KSR1: variants seen among roughly 807,000 people sequenced by gnomAD.
KSR1 encodes kinase suppressor of ras 1.
Under a neutral mutation model 92.9 loss-of-function variants are expected in KSR1, and 35 were observed. That is an observed-to-expected ratio of 0.38 (90% confidence interval 0.29 to 0.50). The LOEUF (loss-of-function observed/expected upper bound fraction) is 0.50. Among genes scored for constraint, KSR1 ranks in the 20% least tolerant of loss-of-function variants. KSR1 has a pLI of 0.94. For missense variants in KSR1, 972 were observed against 1,158.5 expected, an observed-to-expected ratio of 0.84 and a Z score of 2.34; for synonymous variants, 467 against 472.6, an observed-to-expected ratio of 0.99 and a Z score of 0.15.
chr17:27,559,883 C>G lies in KSR1; in HGVS notation c.372+9175C>G, dbSNP rs561740959. ...GGAGCCGGGGTGGATTCCTGCAGCTCTCCCTGTGTGCAGTGTAGGGGTTGG... is the reference window on the plus strand; with the variant it reads ...GGAGCCGGGGTGGATTCCTGCAGCTGTCCCTGTGTGCAGTGTAGGGGTTGG... On this transcript the variant is annotated intron_variant, in intron 2 of 20. Coordinates refer to ENST00000644974, the MANE Select transcript of KSR1 (RefSeq NM_001394583.1). The surrounding 1 kb of genome is among the most constrained non-coding windows in gnomAD (Gnocchi z 4.2). Among the ~76,000 whole-genome samples the G allele has an allele frequency of 2.0e-5, 3 of 152,344 alleles. No individual in the cohort carries two copies. Among genetic ancestry groups the G allele is most frequent in the African/African-American group, 7.2e-5 (3 of 41,578 alleles).
chr17:27,571,549 G>C (rs544398498), intron 2 of KSR1, among the ~76,000 whole-genome samples: 3 of 152,214 alleles, frequency 2.0e-5, no homozygotes, highest in Non-Finnish European at 4.4e-5. Context: ...CAGGGCTCTA[G>C]GAGCCCACCT....
intron 1 of KSR1, among the ~76,000 whole-genome samples, chr17:27,516,231 G>GT (rs1186839818): frequency 3.3e-5 from 5 of 152,174 alleles, no homozygotes; most frequent in Admixed American, 3.3e-4. Flanking sequence ...TTGCCTTATG[G>GT]TCATTGTAAG....
At chr17:27,526,027 CTTTTCTTTTCTTT>C (rs1567792391) in intron 1 of KSR1, among the ~76,000 whole-genome samples, 298 of 100,206 alleles carry the variant, frequency 3.0e-3, no homozygotes, top group Non-Finnish European at 4.3e-3. Context: ...CTTTTCTTTT[CTTTTCTTTTCTTT>C]TCTTTCTCTC....
At chr17:27,547,161 G>GA (rs1382849262) in intron 1 of KSR1, among the ~76,000 whole-genome samples, 1 of 152,236 alleles carries the variant, frequency 6.6e-6, no homozygotes, top group East Asian at 1.9e-4. Flanking sequence ...CAAGGGGGTT[G>GA]AATCTGGCTC....
chr17:27,493,506 G>A (rs140439653), intron 1 of KSR1, among the ~76,000 whole-genome samples: 317 of 152,238 alleles, frequency 2.1e-3, no homozygotes, highest in Non-Finnish European at 3.5e-3. Flanking sequence ...CGTGGTGCTC[G>A]GTAGACCCCA....
chr17:27,601,829 C>T, intron 11 of KSR1: 1 of 1,197,794 alleles, frequency 8.3e-7, no homozygotes, highest in Non-Finnish European at 1.2e-6. Flanking sequence ...GAAGTAGAAA[C>T]CCATTTGGGA....
chr17:27,527,387 A>AC (rs1217257634), intron 1 of KSR1, among the ~76,000 whole-genome samples: 35 of 13,256 alleles, frequency 2.6e-3, no homozygotes, highest in East Asian at 4.7e-3. Context: ...GCAGTGGCAC[A>AC]CCCGCCCCCC....
chr17:27,574,718 G>T (rs979948381), intron 2 of KSR1, among the ~76,000 whole-genome samples: 1 of 152,180 alleles, frequency 6.6e-6, no homozygotes, highest in Non-Finnish European at 1.5e-5. Flanking sequence ...GAATGACAAT[G>T]AAATTAGTCC....
At chr17:27,618,164 C>T (rs1026868169) in intron 19 of KSR1, among the ~76,000 whole-genome samples, 26 of 152,148 alleles carry the variant, frequency 1.7e-4, no homozygotes, top group African/African-American at 5.6e-4. Context: ...ACACAAGAAG[C>T]CAGCCACCTC....
chr17:27,613,603 A>T (rs1374801576), intron 18 of KSR1, among the ~76,000 whole-genome samples: 1 of 152,232 alleles, frequency 6.6e-6, no homozygotes, highest in Non-Finnish European at 1.5e-5. Context: ...GACCCTGTGC[A>T]GGTTCCCTCA....
intron 1 of KSR1, among the ~76,000 whole-genome samples, chr17:27,524,233 A>G (rs2070156059): frequency 6.6e-6 from 1 of 151,904 alleles, no homozygotes; most frequent in Non-Finnish European, 1.5e-5. Context: ...GGGAGGAGAG[A>G]CCACTTGGCC....
intron 2 of KSR1, among the ~76,000 whole-genome samples, chr17:27,561,939 G>A (rs778292180): frequency 2.7e-4 from 41 of 152,100 alleles, no homozygotes; most frequent in Non-Finnish European, 4.3e-4. Flanking sequence ...TCCACCTCCC[G>A]GGTTCAAGTG....
intron 4 of KSR1, among the ~76,000 whole-genome samples, chr17:27,583,819 C>T (rs968050729): frequency 1.3e-5 from 2 of 152,202 alleles, no homozygotes; most frequent in African/African-American, 2.4e-5. Flanking sequence ...ATATTTTGAA[C>T]AAGTGAGACA....
At chr17:27,461,487 G>A (rs1363171207) in intron 1 of KSR1, among the ~76,000 whole-genome samples, 1 of 152,228 alleles carries the variant, frequency 6.6e-6, no homozygotes, top group African/African-American at 2.4e-5. Context: ...CTGTCTCAAA[G>A]TGTGGCGTTT....
Position 27,601,908 on chromosome 17 carries a change from A to G in KSR1, c.1510+507A>G, listed in dbSNP as rs752281635. The stretch of plus-strand genomic sequence containing the variant: ...TACCACACAGTGCCATCTGCTGGCC[A>G]TTGCTGGAAATGCCTCCTTATTGCA... On this transcript the variant is annotated intron_variant, in intron 11 of 20. Transcript: ENST00000644974. The G allele has an allele frequency of 3.0e-5, 49 of 1,609,504 alleles. No homozygotes were observed. In the South Asian group the frequency reaches 5.3e-4, roughly 18 times the overall value.
intron 1 of KSR1, among the ~76,000 whole-genome samples, chr17:27,515,953 A>G (rs1472939745): frequency 6.6e-6 from 1 of 152,112 alleles, no homozygotes; most frequent in Non-Finnish European, 1.5e-5. Flanking sequence ...TCAAGGCACT[A>G]TTTAACAATT....
chr17:27,489,173 G>A (rs974817080), intron 1 of KSR1, among the ~76,000 whole-genome samples: 16 of 152,182 alleles, frequency 1.1e-4, no homozygotes, highest in South Asian at 2.1e-4. Context: ...CCTGGGGGCC[G>A]GGCCCGTGGG....
chr17:27,528,012 T>A (rs1567795070), intron 1 of KSR1, among the ~76,000 whole-genome samples: 1 of 152,240 alleles, frequency 6.6e-6, no homozygotes. Context: ...TAGAAAAGGC[T>A]ATGACCTAAT....
At chr17:27,609,539 C>G (rs1007855908) in intron 16 of KSR1, among the ~76,000 whole-genome samples, 2 of 152,218 alleles carry the variant, frequency 1.3e-5, no homozygotes, top group East Asian at 3.8e-4. Context: ...GAAACCAGGT[C>G]CCCACACTCA....
Sources: allele counts gnomAD v4.1 joint callset (sites outside exome capture counted in the v4.1 genomes callset), GRCh38; gene constraint gnomAD v4.1.1; non-coding constraint Gnocchi (gnomAD v3.1); transcripts MANE v1.5; gene names NCBI Gene and HGNC (gene_info 2026-07-23, HGNC 2026-07-21).